The following TMEM132A variants were observed in gnomAD, a reference collection of about 807,000 sequenced individuals.
The protein encoded by TMEM132A is GRP78-binding protein.
In TMEM132A, 48 loss-of-function variants were observed where a neutral mutation model predicts 69.9. The ratio of observed to expected loss-of-function variants is 0.69; its 90% CI spans 0.55 to 0.87. TMEM132A has a LOEUF of 0.87. TMEM132A is among the 40% of genes least tolerant of loss of function. The pLI is 0.00. For missense variants in TMEM132A, 1,287 were observed against 1,407.2 expected, an observed-to-expected ratio of 0.91 and a Z score of 1.37; for synonymous variants, 577 against 613.7, an observed-to-expected ratio of 0.94 and a Z score of 0.88.
rs539899026 is a variant in TMEM132A, at chr11:60,936,384, T to G, written c.2549T>G (p.Met850Arg). Residue 850 changes from methionine to arginine, a missense_variant, in exon 11 of 11, where the codon ATG (methionine) becomes AGG (arginine). Met to Arg is a moderately conservative substitution (Grantham distance 91). Coordinates refer to ENST00000453848, the MANE Select transcript of TMEM132A (RefSeq NM_178031.3). ...CATGTCACTGAGCTAGAGCTGGGCA[T>G]GTACGCCCTGCTGGGAGTCTTCTGC... ...PQHVTELELG[M>R]YALLGVFCVA... 17 of 1,614,148 alleles carry G rather than the reference T, an allele frequency of 1.1e-5. No individual in the cohort carries two copies. The South Asian group carries it at 1.5e-4, about 15-fold the overall frequency.
At position 60,931,729 on chromosome 11, in the gene TMEM132A, G is replaced by C. The variant is rs1485169633; in HGVS notation, c.1057G>C (p.Val353Leu). ...TGAGTTCCTATGGGTGGACTTTGTGGTGGAGAATAGCACTGGTGGGGGCGT... is the reference window on the plus strand; with the variant it reads ...TGAGTTCCTATGGGTGGACTTTGTGCTGGAGAATAGCACTGGTGGGGGCGT... ...LSEFLWVDFV[V>L]ENSTGGGVAV... Residue 353 changes from valine (V) to leucine (L), a missense_variant, in exon 6 of 11, where the codon GTG becomes CTG. Coordinates refer to ENST00000453848, the MANE Select transcript of TMEM132A (RefSeq NM_178031.3). The C allele has an allele frequency of 6.2e-7, 1 of 1,614,044 alleles. No individual in the cohort carries two copies. The highest frequency in any genetic ancestry group is 1.3e-5 in the African/African-American group (1 of 74,950).
At chr11:60,932,220 A>G (rs1856497336) in intron 7 of TMEM132A, 93 bp downstream of exon 7, 4 of 1,413,122 alleles carry the variant, frequency 2.8e-6, no homozygotes, top group African/African-American at 1.4e-5. Context: ...TGGGTCCCCA[A>G]GAGAACAGCT....
At position 60,933,596 on chromosome 11, in the gene TMEM132A, C is replaced by CGGG. The variant is rs773292133; in HGVS notation, c.1415_1417dup (p.Gly472dup). 20 of 1,607,248 alleles carry CGGG rather than the reference C, an allele frequency of 1.2e-5. No individual in the cohort carries two copies. The highest frequency in any genetic ancestry group is 1.6e-5 in the Non-Finnish European group (19 of 1,179,270). On this transcript the variant is annotated inframe_insertion, in exon 8 of 11. Coordinates refer to ENST00000453848, the MANE Select transcript of TMEM132A (RefSeq NM_178031.3). The stretch of plus-strand genomic sequence containing the variant: ...GGCTGGCAAGGAGAGCCGGGGCGCC[C>CGGG]GGGGGGTGCGAGTGGACTTCTGGTG...
chr11:60,926,467 G>A (rs1455746442), intron 1 of TMEM132A: 1 of 152,336 alleles, frequency 6.6e-6, no homozygotes, highest in African/African-American at 2.4e-5. Flanking sequence ...CCTGCATATA[G>A]CATTCACAAA....
chr11:60,929,899 A>C (rs199823470), intron 4 of TMEM132A, among the ~76,000 whole-genome samples: 1 of 12,996 alleles, frequency 7.7e-5, no homozygotes, highest in Non-Finnish European at 5.1e-3. Flanking sequence ...TCTGGCAGAA[A>C]GGGGCCCCAG....
chr11:60,935,181 C>G lies in TMEM132A; in HGVS notation c.1837-71C>G. 1.4e-6 allele frequency: 2 copies of G among 1,445,528 alleles called. No individual in the cohort carries two copies. Among genetic ancestry groups the G allele is most frequent in the Non-Finnish European group, 1.9e-6 (2 of 1,061,184 alleles). The allele number at this position is 1,445,528 out of a possible 1,614,324, so 89.5% of individuals were successfully genotyped here. A position where few individuals can be genotyped will look rare whatever the true frequency, so the allele number is the denominator to read the frequency against. On this transcript the variant is annotated intron_variant, in intron 9 of 10. Transcript: ENST00000453848. The surrounding 1 kb of genome is among the most constrained non-coding windows in gnomAD (Gnocchi z 5.0). ...GGGCAGCCCGTGAGGGTGCTGGGAGCACCCGGTTCCCTCTGGGTGGGGGCT... is the reference window on the plus strand; with the variant it reads ...GGGCAGCCCGTGAGGGTGCTGGGAGGACCCGGTTCCCTCTGGGTGGGGGCT...
chr11:60,934,593 G>C lies in TMEM132A; in HGVS notation c.1665G>C (p.Ala555=), dbSNP rs1435168665. 6.4e-7 allele frequency: 1 copy of C among 1,567,238 alleles called. No individual in the cohort carries two copies. Among genetic ancestry groups the C allele is most frequent in the East Asian group, 2.3e-5 (1 of 43,194 alleles). The change falls in exon 9 of 11, where the codon GCG becomes GCC. Residue 555 remains alanine, a synonymous_variant. Transcript: ENST00000453848. ...RAGVRFLAPF[A]AHPLDGGRRL... ...GTGTGCGCTTCCTCGCCCCCTTCGCGGCCCACCCGCTGGACGGCGGCCGCC... is the reference window on the plus strand; with the variant it reads ...GTGTGCGCTTCCTCGCCCCCTTCGCCGCCCACCCGCTGGACGGCGGCCGCC...
Position 60,928,735 on chromosome 11 carries a change from A to G in TMEM132A, c.641A>G (p.Glu214Gly), listed in dbSNP as rs1183337780. ...ELAYTLEPAAEGPGGCGSGEE... is the reference protein window; with the variant it reads ...ELAYTLEPAAGGPGGCGSGEE... ...GCCTACACGCTTGAGCCTGCAGCTGAGGGCCCTGGGGGCTGTGGCTCCGGC... is the reference window on the plus strand; with the variant it reads ...GCCTACACGCTTGAGCCTGCAGCTGGGGGCCCTGGGGGCTGTGGCTCCGGC... Residue 214 changes from glutamate to glycine, a missense_variant, in exon 4 of 11, where the codon GAG becomes GGG. By Grantham distance (98) the Glu-to-Gly change is moderately conservative. Transcript: ENST00000453848. 6.2e-7 allele frequency: 1 copy of G among 1,609,570 alleles called. No individual in the cohort carries two copies. Among genetic ancestry groups the G allele is most frequent in the East Asian group, 2.2e-5 (1 of 44,836 alleles).
Position 60,935,261 on chromosome 11 carries a change from C to T in TMEM132A, c.1846C>T (p.Pro616Ser). ...TCCTTTCCACCCTCAGGTGCGTTCC[C>T]CACTGTCTGACTCCATCCTGGGGGA... ...PGVTSIEVRS[P>S]LSDSILGEQA... is the part of the protein sequence containing the mutation. Residue 616 changes from proline to serine, a missense_variant, in exon 10 of 11, where the codon CCA (proline) becomes TCA (serine). Transcript: ENST00000453848. This position sits in a 1 kb window ranked among gnomAD's most constrained non-coding sequence, Gnocchi z 5.0. 6.2e-7 allele frequency: 1 copy of T among 1,609,184 alleles called. No individual in the cohort carries two copies. Among genetic ancestry groups the T allele is most frequent in the Non-Finnish European group, 8.5e-7 (1 of 1,178,570 alleles).
Position 60,936,272 on chromosome 11 carries a change from C to A in TMEM132A, c.2437C>A (p.Arg813=), listed in dbSNP as rs1249310023. Residue 813 remains arginine, a synonymous_variant, in exon 11 of 11, where the codon CGG becomes AGG. Transcript: ENST00000453848. ...CACAGGTGTGAGGGGCAAGTTTGAG[C>A]GGGCAGAGGAGGAGGCCAGGAAGGA... is the stretch of plus-strand genomic sequence containing the variant. ...GNTGVRGKFE[R]AEEEARKEET... The A allele has an allele frequency of 2.5e-6, 4 of 1,613,970 alleles. No homozygotes were observed. Among genetic ancestry groups the A allele is most frequent in the Non-Finnish European group, 3.4e-6 (4 of 1,179,978 alleles).
chr11:60,933,590 G>T lies in TMEM132A; in HGVS notation c.1405G>T (p.Gly469Cys). 1 of 1,607,522 alleles carries T rather than the reference G, an allele frequency of 6.2e-7. No individual in the cohort carries two copies. ...AVFVAGKESRGARGVRVDFWW... is the reference protein window; with the variant it reads ...AVFVAGKESRCARGVRVDFWW... ...GTTCGTGGCTGGCAAGGAGAGCCGG[G>T]GCGCCCGGGGGGTGCGAGTGGACTT... Residue 469 changes from glycine to cysteine, a missense_variant, in exon 8 of 11, where the codon GGC becomes TGC. Gly to Cys is a radical substitution (Grantham distance 159, BLOSUM62 -3). Transcript: ENST00000453848.
At chr11:60,928,526 C>A in intron 3 of TMEM132A, 103 bp from the exon 4 acceptor site, 2 of 1,131,872 alleles carry the variant, frequency 1.8e-6, no homozygotes, top group South Asian at 1.4e-5. Context: ...GCCTCCCTTT[C>A]ATGAGCCCCT....
Position 60,936,628 on chromosome 11 carries a change from G to A in TMEM132A, c.2793G>A (p.Gly931=), listed in dbSNP as rs1164702164. The part of the protein sequence containing the change: ...GSCPCESGGG[G]EAPTLAPGPP... ...GCCCCTGTGAGAGTGGGGGAGGAGG[G>A]GAGGCCCCTACCCTGGCCCCTGGCC... The change falls in exon 11 of 11, where the codon GGG becomes GGA. Residue 931 remains glycine, a synonymous_variant. Transcript: ENST00000453848. The A allele has an allele frequency of 6.4e-7, 1 of 1,570,676 alleles. No homozygotes were observed. The highest frequency in any genetic ancestry group is 1.8e-5 in the Admixed American group (1 of 56,066).
At chr11:60,926,133 T>A (rs1022092698) in intron 1 of TMEM132A, 2 of 152,402 alleles carry the variant, frequency 1.3e-5, no homozygotes, top group Admixed American at 1.3e-4. Context: ...TATTCACTCA[T>A]GGCCCTGAAT....
chr11:60,928,717 C>T lies in TMEM132A; in HGVS notation c.623C>T (p.Thr208Met), dbSNP rs929716792. The T allele has an allele frequency of 3.7e-6, 6 of 1,610,300 alleles. No homozygotes were observed. Among genetic ancestry groups the T allele is most frequent in the East Asian group, 4.5e-5 (2 of 44,840 alleles). Residue 208 changes from threonine to methionine, a missense_variant, in exon 4 of 11, where the codon ACG becomes ATG. Thr to Met is a moderately conservative substitution (Grantham distance 81). Coordinates refer to ENST00000453848, the MANE Select transcript of TMEM132A (RefSeq NM_178031.3). ...ASTTRAELAY[T>M]LEPAAEGPGG... Reference sequence around the variant, plus strand: ...ACCACACGGGCCGAGCTGGCCTACACGCTTGAGCCTGCAGCTGAGGGCCCT... The same window carrying T: ...ACCACACGGGCCGAGCTGGCCTACATGCTTGAGCCTGCAGCTGAGGGCCCT...
intron 7 of TMEM132A, 125 bp from the exon 8 acceptor site, chr11:60,933,417 C>G: frequency 1.4e-6 from 1 of 728,564 alleles, no homozygotes; most frequent in South Asian, 1.9e-5. Flanking sequence ...CTCCTGGACT[C>G]AAGCGATCCA....
At chr11:60,929,759 CTG>C (rs1856435365) in intron 4 of TMEM132A, among the ~76,000 whole-genome samples, 1 of 152,200 alleles carries the variant, frequency 6.6e-6, no homozygotes, top group African/African-American at 2.4e-5. Flanking sequence ...TGTCCCGTCT[CTG>C]TGTCTCCCCA....
At position 60,937,086 on chromosome 11, in the gene TMEM132A, G is replaced by T; in HGVS notation, c.*179G>T. On this transcript the variant is annotated 3_prime_UTR_variant, in exon 11 of 11. Coordinates refer to ENST00000453848, the MANE Select transcript of TMEM132A (RefSeq NM_178031.3). ...CTGCCCCTTGTCATGGACCATGGTC[G>T]TGAGGAAGGGCTCATGCCCCTTATT... The T allele has an allele frequency of 7.2e-7, 1 of 1,383,580 alleles. No homozygotes were observed. Among genetic ancestry groups the T allele is most frequent in the Non-Finnish European group, 9.7e-7 (1 of 1,036,024 alleles). The allele number at this position is 1,383,580 out of a possible 1,614,324, so 85.7% of individuals were successfully genotyped here. A position where few individuals can be genotyped will look rare whatever the true frequency, so the allele number is the denominator to read the frequency against.
At chr11:60,933,887 G>A (rs1361805354) in intron 8 of TMEM132A, 143 bp downstream of exon 8, 1 of 722,640 alleles carries the variant, frequency 1.4e-6, no homozygotes, top group Non-Finnish European at 2.2e-6. Context: ...CCTCCACCCT[G>A]GGCCGCCCAG....
Sources: allele counts gnomAD v4.1 joint callset (sites outside exome capture counted in the v4.1 genomes callset), GRCh38; gene constraint gnomAD v4.1.1; non-coding constraint Gnocchi (gnomAD v3.1); transcripts MANE v1.5; gene names NCBI Gene and HGNC (gene_info 2026-07-23, HGNC 2026-07-21).